KIF5B: variants seen among roughly 807,000 people sequenced by gnomAD.
The protein encoded by KIF5B is kinesin-1 heavy chain.
KIF5B carries 49 observed loss-of-function variants against 132.8 expected under a neutral mutation model. That is an observed-to-expected ratio of 0.37 (90% CI 0.29 to 0.47). KIF5B has a LOEUF of 0.47. Among genes scored for constraint, KIF5B ranks in the 20% least tolerant of loss-of-function variants. The pLI is 1.00. For missense variants in KIF5B, 780 were observed against 1,144.0 expected (o/e 0.68, Z 4.59); for synonymous variants, 355 against 369.4 (o/e 0.96, Z 0.45).
intron 15 of KIF5B, among the ~76,000 whole-genome samples, chr10:32,024,655 C>T (rs1031143066): frequency 6.6e-6 from 1 of 151,758 alleles, no homozygotes; most frequent in Non-Finnish European, 1.5e-5. Context: ...GTCCCAGCTA[C>T]TCGGGAGGCT....
In KIF5B at chr10:32,018,155, C is replaced by T; in HGVS notation, c.2441G>A (p.Ser814Asn). The T allele has an allele frequency of 6.3e-7, 1 of 1,584,104 alleles. No homozygotes were observed. Among genetic ancestry groups the T allele is most frequent in the Non-Finnish European group, 8.6e-7 (1 of 1,164,612 alleles). Residue 814 changes from serine to asparagine, a missense_variant and splice_region_variant, in exon 23 of 26, where the codon AGT (serine) becomes AAT (asparagine). Coordinates refer to ENST00000302418, the MANE Select transcript of KIF5B (RefSeq NM_004521.3). The stretch of plus-strand genomic sequence containing the variant: ...GGTGTCATCAGAATCAATCTCAGCA[C>T]TCTGAGAAAAGAAGGTAAGTATTAC... The part of the protein sequence containing the change: ...VQDLATRVKK[S>N]AEIDSDDTGG...
Position 32,032,076 on chromosome 10 carries a change from C to T in KIF5B, c.1374+630G>A, listed in dbSNP as rs1026751214. ...TGCCAAGAGACTAGTTAGGAGAAAACCACAATCATCCACATTAGTGGCTCT... is the reference window on the plus strand; with the variant it reads ...TGCCAAGAGACTAGTTAGGAGAAAATCACAATCATCCACATTAGTGGCTCT... On this transcript the variant is annotated intron_variant, in intron 13 of 25. Transcript: ENST00000302418. Among the ~76,000 whole-genome samples, 9 of 151,758 alleles carry T rather than the reference C, an allele frequency of 5.9e-5. No individual in the cohort carries two copies. The South Asian group carries it at 1.9e-3, about 32-fold the overall frequency.
chr10:32,033,536 C>T (rs953709235), intron 12 of KIF5B, among the ~76,000 whole-genome samples: 9 of 152,298 alleles, frequency 5.9e-5, no homozygotes, highest in South Asian at 2.1e-4. Flanking sequence ...ACCTGATCCA[C>T]GGAAAAACTG....
chr10:32,038,295 CCTG>C, intron 5 of KIF5B, 77 bp from the exon 6 acceptor site: 1 of 976,158 alleles, frequency 1.0e-6, no homozygotes, highest in South Asian at 1.4e-5. Flanking sequence ...GATAGGCTTT[CCTG>C]AGCAGCCTAA....
At chr10:32,018,007 G>A (rs57473704) in intron 23 of KIF5B, 45 bp downstream of exon 23, 1 of 1,092,532 alleles carries the variant, frequency 9.2e-7, no homozygotes, top group Non-Finnish European at 1.3e-6. Context: ...CTCAATTTTT[G>A]ATTTTTACTA....
At chr10:32,023,222 T>C (rs1592441277) in intron 15 of KIF5B, among the ~76,000 whole-genome samples, 186 bp from the exon 16 acceptor site, 2 of 152,200 alleles carry the variant, frequency 1.3e-5, no homozygotes, top group East Asian at 3.8e-4. Context: ...AGCTTACTTT[T>C]TGCCTTCCTT....
In KIF5B at chr10:32,016,951, G is replaced by C. The variant is rs541060846; in HGVS notation, c.2761+192C>G. Among the ~76,000 whole-genome samples, 34 of 152,204 alleles carry C rather than the reference G, an allele frequency of 2.2e-4. No homozygotes were observed. In the South Asian group the frequency reaches 2.7e-3, roughly 12 times the overall value. On this transcript the variant is annotated intron_variant, in intron 24 of 25. Coordinates refer to ENST00000302418, the MANE Select transcript of KIF5B (RefSeq NM_004521.3). ...CTCCATTCCATGACCATTCTTGCTT[G>C]CTTCTCTAGTTCTCATTTATCTTCT...
chr10:32,034,888 AATTTT>A (rs1007036511), intron 10 of KIF5B, 50 bp from the exon 11 acceptor site: 17 of 1,407,626 alleles, frequency 1.2e-5, no homozygotes, highest in Non-Finnish European at 1.6e-5. Flanking sequence ...AATTATTTTT[AATTTT>A]ATCTATATGG....
At chr10:32,038,124 A>AT in intron 6 of KIF5B, 39 bp downstream of exon 6, 1 of 1,257,150 alleles carries the variant, frequency 8.0e-7, no homozygotes, top group Non-Finnish European at 1.1e-6. Context: ...AAAAAAAAAA[A>AT]GTATTACAGG....
intron 4 of KIF5B, 37 bp from the exon 5 acceptor site, chr10:32,038,863 A>T (rs1029493705): frequency 1.3e-5 from 17 of 1,297,484 alleles, no homozygotes; most frequent in Non-Finnish European, 1.1e-6. Context: ...GATCAACTAA[A>T]GTTATATAAC....
Position 32,021,019 on chromosome 10 carries a change from T to C in KIF5B, c.2204+3A>G, listed in dbSNP as rs1564463553. 4 of 1,512,206 alleles carry C rather than the reference T, an allele frequency of 2.6e-6. No homozygotes were observed. The highest frequency in any genetic ancestry group is 2.2e-5 in the South Asian group (2 of 88,912). 93.7% of individuals were successfully genotyped at this position (1,512,206 alleles called of 1,614,324 possible). A position where few individuals can be genotyped will look rare whatever the true frequency, so the allele number is the denominator to read the frequency against. ...CTCCTAACTAGAGAAGTATAATACT[T>C]ACTCTTGAAGATCAGTAATAAGTTT... On this transcript the variant is annotated splice_donor_region_variant and intron_variant, in intron 19 of 25. Coordinates refer to ENST00000302418, the MANE Select transcript of KIF5B (RefSeq NM_004521.3).
At chr10:32,017,048 C>G (rs1841180210) in intron 24 of KIF5B, 95 bp downstream of exon 24, 1 of 973,300 alleles carries the variant, frequency 1.0e-6, no homozygotes, top group East Asian at 2.4e-5. Flanking sequence ...GAGACAGATG[C>G]ACCATGACAA....
At chr10:32,011,978 T>G (rs1256931619) in intron 25 of KIF5B, among the ~76,000 whole-genome samples, 1 of 151,852 alleles carries the variant, frequency 6.6e-6, no homozygotes, top group African/African-American at 2.4e-5. Context: ...GTGTATACAG[T>G]AGGAAAAGTA....
At position 32,056,108 on chromosome 10, in the gene KIF5B, C is replaced by G. The variant is rs1395128021; in HGVS notation, c.-135G>C. On this transcript the variant is annotated 5_prime_UTR_variant, in exon 1 of 26. Coordinates refer to ENST00000302418, the MANE Select transcript of KIF5B (RefSeq NM_004521.3). The stretch of plus-strand genomic sequence containing the variant: ...GTCAGCTGCGCCGCGCTGCGCTTCC[C>G]CGGGTGGAGGCGGCCGGGGAGCCGG... The G allele has an allele frequency of 2.3e-4, 258 of 1,137,694 alleles. 1 individual carries two copies. The highest frequency in any genetic ancestry group is 3.1e-5 in the Non-Finnish European group (26 of 827,164). 70.5% of individuals were successfully genotyped at this position (1,137,694 alleles called of 1,614,324 possible). A position where few individuals can be genotyped will look rare whatever the true frequency, so the allele number is the denominator to read the frequency against.
chr10:32,033,970 T>C lies in KIF5B; in HGVS notation c.1180A>G (p.Lys394Glu). 1 of 1,610,834 alleles carries C rather than the reference T, an allele frequency of 6.2e-7. No individual in the cohort carries two copies. Among genetic ancestry groups the C allele is most frequent in the Non-Finnish European group, 8.5e-7 (1 of 1,178,118 alleles). Reference sequence around the variant, plus strand: ...TTATCATTGGTAAGAGTAATATCTTTATCCACTGTGAAAGCTTCCAAGTTG... The same window carrying C: ...TTATCATTGGTAAGAGTAATATCTTCATCCACTGTGAAAGCTTCCAAGTTG... ...KANLEAFTVD[K>E]DITLTNDKPA... is the part of the protein sequence containing the mutation. Residue 394 changes from lysine (K) to glutamate (E), a missense_variant, in exon 12 of 26, where the codon AAA becomes GAA. This residue lies in a region of KIF5B where 471 missense variants were observed against 569.9 expected (regional missense o/e 0.83). Coordinates refer to ENST00000302418, the MANE Select transcript of KIF5B (RefSeq NM_004521.3).
intron 1 of KIF5B, among the ~76,000 whole-genome samples, chr10:32,051,674 AAC>A (rs770446206): frequency 6.6e-5 from 10 of 152,226 alleles, no homozygotes; most frequent in African/African-American, 1.9e-4. Context: ...AAGTTGACAA[AAC>A]AGTCTTATCT....
intron 2 of KIF5B, among the ~76,000 whole-genome samples, chr10:32,047,242 T>G (rs1236799005): frequency 1.3e-5 from 2 of 150,108 alleles, no homozygotes; most frequent in Non-Finnish European, 3.0e-5. Context: ...TTGACCCCAC[T>G]GAGATCTACA....
At chr10:32,044,516 A>G (rs1362481256) in intron 2 of KIF5B, among the ~76,000 whole-genome samples, 1 of 152,160 alleles carries the variant, frequency 6.6e-6, no homozygotes, top group East Asian at 1.9e-4. Context: ...TACTAGTAAC[A>G]CAAAAATTAG....
intron 15 of KIF5B, among the ~76,000 whole-genome samples, chr10:32,025,074 C>G (rs1475046120): frequency 6.6e-6 from 1 of 152,198 alleles, no homozygotes; most frequent in South Asian, 2.1e-4. Flanking sequence ...GAGACTCCGT[C>G]TCAAAGAAAA....
Sources: allele counts gnomAD v4.1 joint callset (sites outside exome capture counted in the v4.1 genomes callset), GRCh38; gene constraint gnomAD v4.1.1; regional missense constraint gnomAD v4.1.1; transcripts MANE v1.5; gene names NCBI Gene and HGNC (gene_info 2026-07-23, HGNC 2026-07-21).